Variants in PIGN observed in about 807,000 individuals in gnomAD.
The protein encoded by PIGN is GPI ethanolamine phosphate transferase 1.
Under a neutral mutation model 125.4 loss-of-function variants are expected in PIGN, and 117 were observed. The ratio of observed to expected loss-of-function variants is 0.93; its 90% confidence interval spans 0.80 to 1.09. The LOEUF is 1.09. Ranked by LOEUF, PIGN falls within the 50% of genes least tolerant of loss-of-function variation. The pLI is 0.00. For synonymous variants in PIGN, 392 were observed against 377.8 expected (o/e 1.04, Z -0.44); for missense variants, 1,075 against 1,094.9 (o/e 0.98, Z 0.26).
At chr18:62,109,720 G>A in intron 17 of PIGN, 114 bp downstream of exon 17, 1 of 831,396 alleles carries the variant, frequency 1.2e-6, no homozygotes, top group Non-Finnish European at 1.8e-6. Context: ...AGGTTTGAAA[G>A]TACAGTATTA....
At chr18:62,051,155 A>G (rs2031247844) in intron 30 of PIGN, among the ~76,000 whole-genome samples, 1 of 150,308 alleles carries the variant, frequency 6.7e-6, no homozygotes, top group Admixed American at 6.7e-5. Flanking sequence ...TATTGGTCTA[A>G]AATTCTCTTT....
chr18:62,139,290 A>AATTAAATTCAGTAACACCTGGCATTGGCT, intron 12 of PIGN, among the ~76,000 whole-genome samples: 3 of 152,378 alleles, frequency 2.0e-5, no homozygotes, highest in African/African-American at 7.2e-5. Flanking sequence ...GCAAGAGATG[A>AATTAAATTCAGTAACACCTGGCATTGGCT]ATTAAATTCA....
chr18:62,118,500 T>A (rs545943110), intron 14 of PIGN: 2 of 152,262 alleles, frequency 1.3e-5, no homozygotes, highest in South Asian at 4.2e-4. Context: ...TCTGAGGGAA[T>A]CTACCATTGT....
At chr18:62,097,046 T>C (rs533492841) in intron 22 of PIGN, among the ~76,000 whole-genome samples, 318 of 150,922 alleles carry the variant, frequency 2.1e-3, no homozygotes, top group African/African-American at 7.4e-3. Context: ...CCAAAAGCAA[T>C]GGCAACAAAA....
At chr18:62,086,023 T>G (rs532890616) in intron 25 of PIGN, among the ~76,000 whole-genome samples, 4 of 152,242 alleles carry the variant, frequency 2.6e-5, no homozygotes, top group Non-Finnish European at 5.9e-5. Context: ...GAGCCTTTAA[T>G]GTATTCATGC....
intron 25 of PIGN, among the ~76,000 whole-genome samples, chr18:62,086,481 G>C (rs765485927): frequency 1.8e-4 from 27 of 152,132 alleles, no homozygotes; most frequent in Non-Finnish European, 3.4e-4. Context: ...GCCGGTCCTG[G>C]TGGTGCACGC....
intron 30 of PIGN, among the ~76,000 whole-genome samples, chr18:62,055,764 C>A (rs913702740): frequency 1.3e-5 from 2 of 151,552 alleles, no homozygotes; most frequent in Non-Finnish European, 2.9e-5. Context: ...ACAGGCTGTA[C>A]AAAATCAAGA....
rs1449682875 is a variant in PIGN, at chr18:62,045,301, G to C, written c.*555C>G. On this transcript the variant is annotated 3_prime_UTR_variant, in exon 31 of 31. Transcript: ENST00000640252. Reference sequence around the variant, plus strand: ...AAACCTGAGAAATAGCACTAAAAAGGATAAGATAGCATTATTGCATACTAA... The same window carrying C: ...AAACCTGAGAAATAGCACTAAAAAGCATAAGATAGCATTATTGCATACTAA... 2 of 152,016 alleles carry C rather than the reference G, an allele frequency of 1.3e-5. No homozygotes were observed. The highest frequency in any genetic ancestry group is 4.8e-5 in the African/African-American group (2 of 41,410). 9.4% of individuals were successfully genotyped at this position (152,016 alleles called of 1,614,324 possible).
chr18:62,046,061 G>T (rs1010327290), intron 30 of PIGN, 82 bp from the exon 31 acceptor site: 3 of 1,412,140 alleles, frequency 2.1e-6, no homozygotes, highest in South Asian at 1.3e-5. Flanking sequence ...GGTTTTAAAT[G>T]GACAGATGAA....
In PIGN at chr18:62,157,258, T is replaced by C. The variant is rs567798360; in HGVS notation, c.344-31A>G. On this transcript the variant is annotated intron_variant, in intron 5 of 30. Transcript: ENST00000640252. ...GAAAGCAAGCAAGCAGTAATAGTTATATACACATGGTACAATAAGCCCCTA... is the reference window on the plus strand; with the variant it reads ...GAAAGCAAGCAAGCAGTAATAGTTACATACACATGGTACAATAAGCCCCTA... The C allele has an allele frequency of 3.3e-5, 36 of 1,089,158 alleles. 1 individual carries two copies. The South Asian group carries it at 4.5e-4, about 14-fold the overall frequency. The allele number at this position is 1,089,158 out of a possible 1,614,324, so 67.5% of individuals were successfully genotyped here. A position where few individuals can be genotyped will look rare whatever the true frequency, so the allele number is the denominator to read the frequency against.
At chr18:62,111,184 G>A (rs1426731973) in intron 16 of PIGN, among the ~76,000 whole-genome samples, 3 of 151,910 alleles carry the variant, frequency 2.0e-5, no homozygotes, top group Non-Finnish European at 4.4e-5. Flanking sequence ...TAATTTTTCT[G>A]AGCCTAAATC....
At position 62,151,795 on chromosome 18, in the gene PIGN, C is replaced by T. The variant is rs144398299; in HGVS notation, c.549+2750G>A. On this transcript the variant is annotated intron_variant, in intron 7 of 30. Coordinates refer to ENST00000640252, the MANE Select transcript of PIGN (RefSeq NM_176787.5). ...GGGAAGGTAAGAATTGAGGTTGCTG[C>T]AGATCCTTACAGATTTGTTGCCGGT... Among the ~76,000 whole-genome samples, 234 of 152,334 alleles carry T rather than the reference C, an allele frequency of 1.5e-3. 1 individual carries two copies. Among genetic ancestry groups the T allele is most frequent in the African/African-American group, 5.2e-3 (218 of 41,580 alleles).
intron 23 of PIGN, among the ~76,000 whole-genome samples, chr18:62,031,839 C>T (rs1023660881): frequency 2.6e-5 from 4 of 152,092 alleles, no homozygotes; most frequent in African/African-American, 4.8e-5. Context: ...CTGTGGCTGC[C>T]ATAGCAAATT....
At chr18:62,096,320 T>C (rs10432234) in intron 22 of PIGN, among the ~76,000 whole-genome samples, 88,054 of 151,290 alleles carry the variant, frequency 0.58, 26,380 homozygotes, top group East Asian at 0.78. Context: ...CTGTAGAAGC[T>C]CTGAATAATC....
At chr18:62,166,554 G>A (rs2037140537) in intron 1 of PIGN, among the ~76,000 whole-genome samples, 1 of 151,978 alleles carries the variant, frequency 6.6e-6, no homozygotes, top group South Asian at 2.1e-4. Context: ...CCCATTACTG[G>A]GTATATACCC....
At chr18:62,088,563 A>C in intron 25 of PIGN, 193 bp downstream of exon 25, 1 of 404,198 alleles carries the variant, frequency 2.5e-6, no homozygotes, top group Middle Eastern at 6.8e-4. Flanking sequence ...ATATATATAC[A>C]TACATAAAAT....
chr18:62,146,352 C>T (rs2036328131), intron 9 of PIGN, among the ~76,000 whole-genome samples: 1 of 152,188 alleles, frequency 6.6e-6, no homozygotes, highest in South Asian at 2.1e-4. Flanking sequence ...ACAGAAAGAA[C>T]AGAGAGCTCC....
intron 29 of PIGN, among the ~76,000 whole-genome samples, chr18:62,073,089 C>T (rs139512263): frequency 6.6e-6 from 1 of 152,058 alleles, no homozygotes; most frequent in African/African-American, 2.4e-5. Flanking sequence ...TACTGTGTGC[C>T]GATCACTGTC....
chr18:62,148,320 T>C lies in PIGN; in HGVS notation c.568A>G (p.Arg190Gly). ...TTAGAAAACAAAGACTGGTTGTTTC[T>C]GGCATGATGAAAGAAGTCCTACATA... ...DNVKDFFHHARNNQSLFSKIN... is the reference protein window; with the variant it reads ...DNVKDFFHHAGNNQSLFSKIN... Residue 190 changes from arginine to glycine, a missense_variant, in exon 8 of 31, where the codon AGA becomes GGA. This residue lies in a region of PIGN where 915 missense variants were observed against 908.7 expected (regional missense o/e 1.01). Coordinates refer to ENST00000640252, the MANE Select transcript of PIGN (RefSeq NM_176787.5). 2 of 1,518,704 alleles carry C rather than the reference T, an allele frequency of 1.3e-6. No individual in the cohort carries two copies. The highest frequency in any genetic ancestry group is 1.8e-6 in the Non-Finnish European group (2 of 1,128,932). 94.1% of individuals were successfully genotyped at this position (1,518,704 alleles called of 1,614,324 possible).
Sources: gnomAD v4.1 joint callset for allele counts (sites outside exome capture counted in the v4.1 genomes callset) on GRCh38, gnomAD v4.1.1 for gene constraint, gnomAD v4.1.1 regional missense constraint, MANE v1.5 for transcripts, NCBI Gene and HGNC (gene_info 2026-07-23, HGNC 2026-07-21) for gene names.